Variants in S100Z observed in about 807,000 individuals in gnomAD.
S100Z encodes the protein protein S100-Z.
In S100Z, 11 loss-of-function variants were observed where a neutral mutation model predicts 8.5. The ratio of observed to expected loss-of-function variants is 1.30; its 90% confidence interval spans 0.82 to 2.15. The LOEUF (loss-of-function observed/expected upper bound fraction) is 2.15. Ranked by LOEUF, S100Z falls within the 30% of genes most tolerant of loss-of-function variation. The probability of loss-of-function intolerance (pLI) is 0.00; values close to 1 mark genes in which losing one functional copy is unlikely to be tolerated. For missense variants in S100Z, 126 were observed against 117.9 expected (o/e 1.07, Z -0.32); for synonymous variants, 34 against 43.8 (o/e 0.78, Z 0.89).
chr5:76,887,917 G>A (rs889610778), intron 4 of S100Z, among the ~76,000 whole-genome samples: 5 of 152,050 alleles, frequency 3.3e-5, no homozygotes, highest in Non-Finnish European at 7.4e-5. Flanking sequence ...GTAGACCATT[G>A]GTGTTTACTC....
chr5:76,879,694 C>T (rs1221737895), intron 4 of S100Z, among the ~76,000 whole-genome samples: 2 of 152,014 alleles, frequency 1.3e-5, no homozygotes, highest in African/African-American at 2.4e-5. Flanking sequence ...GAAGAAGAAA[C>T]GTCTGACAGT....
intron 4 of S100Z, among the ~76,000 whole-genome samples, chr5:76,883,578 C>T (rs1178837186): frequency 3.3e-5 from 5 of 152,182 alleles, no homozygotes. Flanking sequence ...TTACCCTCCA[C>T]TGTAAGAGTT....
chr5:76,951,414 T>C, the S100Z span, among the ~76,000 whole-genome samples: 2 of 152,068 alleles, frequency 1.3e-5, no homozygotes. Flanking sequence ...TGAGCTGGAG[T>C]GACATCAGGT....
intron 4 of S100Z, among the ~76,000 whole-genome samples, chr5:76,919,915 T>A (rs1744986180): frequency 6.6e-6 from 1 of 150,450 alleles, no homozygotes; most frequent in Non-Finnish European, 1.5e-5. Flanking sequence ...TCATTTTTTT[T>A]TTTTTTTTTT....
chr5:76,908,228 T>C (rs1744524142), intron 4 of S100Z, among the ~76,000 whole-genome samples: 1 of 152,192 alleles, frequency 6.6e-6, no homozygotes, highest in Non-Finnish European at 1.5e-5. Flanking sequence ...TTTCCTGTAC[T>C]TCTGGGCTGA....
chr5:76,862,130 CGTGTGT>C (rs3053269), intron 1 of S100Z, among the ~76,000 whole-genome samples: 1,963 of 147,140 alleles, frequency 0.013, 24 homozygotes, highest in Non-Finnish European at 0.02. Flanking sequence ...AAGGAGTGTG[CGTGTGT>C]GTGTGTGTGT....
the S100Z span, among the ~76,000 whole-genome samples, chr5:76,946,984 C>A: frequency 2.0e-5 from 3 of 150,564 alleles, no homozygotes; most frequent in Admixed American, 2.0e-4. Flanking sequence ...CCTGTTATGA[C>A]AACATCCTAC....
intron 4 of S100Z, among the ~76,000 whole-genome samples, chr5:76,919,606 C>T (rs1296690265): frequency 9.0e-6 from 1 of 111,592 alleles, no homozygotes; most frequent in Non-Finnish European, 1.7e-5. Context: ...CTTTCTTTTT[C>T]TCTTCCTTTT....
intron 4 of S100Z, among the ~76,000 whole-genome samples, chr5:76,909,317 G>T (rs1744567882): frequency 6.6e-6 from 1 of 152,138 alleles, no homozygotes; most frequent in Admixed American, 6.5e-5. Flanking sequence ...TGAAAAAGAG[G>T]CAGCTCATTT....
At chr5:76,931,615 C>T in the S100Z span, among the ~76,000 whole-genome samples, 1,239 of 152,236 alleles carry the variant, frequency 8.1e-3, 14 homozygotes, top group African/African-American at 0.027. Flanking sequence ...AGCCCCGTAG[C>T]GTGGTTGAAC....
intron 4 of S100Z, among the ~76,000 whole-genome samples, chr5:76,905,616 G>A (rs1239809081): frequency 6.6e-6 from 1 of 151,894 alleles, no homozygotes; most frequent in Non-Finnish European, 1.5e-5. Context: ...GTTTCACCAC[G>A]TTATCCAGGA....
At chr5:76,921,812 A>T (rs1460569256), downstream of S100Z, among the ~76,000 whole-genome samples, 1 of 152,014 alleles carries the variant, frequency 6.6e-6, no homozygotes, top group Admixed American at 6.5e-5. Flanking sequence ...TCATGGTGAA[A>T]CCCCAACTCT....
the S100Z span, among the ~76,000 whole-genome samples, chr5:76,936,724 G>T: frequency 6.6e-6 from 1 of 151,784 alleles, no homozygotes; most frequent in Admixed American, 6.6e-5. Flanking sequence ...GGTTTGGTAG[G>T]CTCGCAAAAG....
chr5:76,866,168 T>A (rs1173454144), intron 1 of S100Z, among the ~76,000 whole-genome samples: 1 of 151,876 alleles, frequency 6.6e-6, no homozygotes, highest in Admixed American at 6.6e-5. Flanking sequence ...CACTGCAACC[T>A]CCACCTCCCA....
chr5:76,883,069 C>T (rs1184627974), intron 4 of S100Z, among the ~76,000 whole-genome samples: 2 of 152,068 alleles, frequency 1.3e-5, no homozygotes, highest in Non-Finnish European at 2.9e-5. Context: ...TTTAAAAGGC[C>T]ATGCTGTAAC....
At chr5:76,887,178 C>T (rs1419233491) in intron 4 of S100Z, among the ~76,000 whole-genome samples, 1 of 151,254 alleles carries the variant, frequency 6.6e-6, no homozygotes, top group Non-Finnish European at 1.5e-5. Context: ...CTCACTGCAA[C>T]CTCTGCCTCC....
At chr5:76,911,619 T>C (rs1744664198) in intron 4 of S100Z, among the ~76,000 whole-genome samples, 1 of 152,220 alleles carries the variant, frequency 6.6e-6, no homozygotes, top group African/African-American at 2.4e-5. Context: ...ACTCTGGTCC[T>C]TCAGTATGTG....
intron 3 of S100Z, among the ~76,000 whole-genome samples, chr5:76,876,214 A>G (rs932366470): frequency 6.6e-6 from 1 of 152,148 alleles, no homozygotes; most frequent in Non-Finnish European, 1.5e-5. Flanking sequence ...TTGTGTTAAG[A>G]CTACAGAGAC....
chr5:76,898,933 CTTTT>C (rs56287065), intron 4 of S100Z, among the ~76,000 whole-genome samples: 1 of 109,958 alleles, frequency 9.1e-6, no homozygotes. Flanking sequence ...CTTTTCTTTT[CTTTT>C]TTTTTTTTTT....
Sources: allele counts gnomAD v4.1 joint callset (sites outside exome capture counted in the v4.1 genomes callset), GRCh38; gene constraint gnomAD v4.1.1; transcripts MANE v1.5; gene names NCBI Gene and HGNC (gene_info 2026-07-23, HGNC 2026-07-21).